The following RELN variants were observed in gnomAD, a reference collection of about 807,000 sequenced individuals.
The protein encoded by RELN is reelin.
In RELN, 108 loss-of-function variants were observed where a neutral mutation model predicts 427.6. That is an observed-to-expected ratio of 0.25 (90% CI 0.22 to 0.30). The LOEUF (loss-of-function observed/expected upper bound fraction) is 0.30, where lower values mean the gene tolerates loss of function less well. Among genes scored for constraint, RELN ranks in the 10% least tolerant of loss-of-function variants. The pLI, the probability that RELN is intolerant of heterozygous loss-of-function variation, is 1.00. For synonymous variants in RELN, 1,524 were observed against 1,513.4 expected (o/e 1.01, Z -0.16); for missense variants, 3,715 against 4,302.8 (o/e 0.86, Z 3.82).
At chr7:103,836,438 G>C (rs1483875624) in intron 2 of RELN, among the ~76,000 whole-genome samples, 1 of 152,148 alleles carries the variant, frequency 6.6e-6, no homozygotes, top group Non-Finnish European at 1.5e-5. Context: ...GGACAGCACA[G>C]AACAGAACAT....
At chr7:103,504,460 A>C (rs1360445896) in intron 51 of RELN, 1 of 152,356 alleles carries the variant, frequency 6.6e-6, no homozygotes, top group East Asian at 1.9e-4. Context: ...CTTGAGAGAC[A>C]GCTGGCAAGA....
chr7:103,926,436 G>A (rs1045757120), intron 1 of RELN, among the ~76,000 whole-genome samples: 4 of 151,858 alleles, frequency 2.6e-5, no homozygotes, highest in Admixed American at 6.6e-5. Flanking sequence ...ATGCCATTAC[G>A]AAATTCTTAA....
At chr7:103,933,021 C>A (rs1031986796) in intron 1 of RELN, among the ~76,000 whole-genome samples, 17 of 152,162 alleles carry the variant, frequency 1.1e-4, no homozygotes, top group African/African-American at 3.9e-4. Flanking sequence ...ACAACTGCCC[C>A]TCTAGGGCAA....
chr7:103,566,529 C>T, intron 32 of RELN, 72 bp downstream of exon 32: 1 of 1,597,626 alleles, frequency 6.3e-7, no homozygotes, highest in Non-Finnish European at 8.6e-7. Context: ...TTAAGAAACA[C>T]ACAGTGCAAG....
intron 2 of RELN, among the ~76,000 whole-genome samples, chr7:103,849,901 T>C (rs1004274962): frequency 4.6e-5 from 7 of 152,370 alleles, no homozygotes; most frequent in Non-Finnish European, 8.8e-5. Flanking sequence ...CTCTCTGTTA[T>C]GGCAAAACTC....
chr7:103,725,131 G>A (rs943133332), intron 7 of RELN, among the ~76,000 whole-genome samples: 4 of 152,130 alleles, frequency 2.6e-5, no homozygotes, highest in African/African-American at 9.7e-5. Flanking sequence ...AAATGAATCA[G>A]AAGAAATCAC....
rs34403864 is a variant in RELN, at chr7:103,986,629, TAAAAAA to T, written c.226+2496_226+2501del. 3.8e-4 allele frequency among the ~76,000 whole-genome samples: 39 copies of T among 102,302 alleles called. 1 individual carries two copies. Among genetic ancestry groups the T allele is most frequent in the African/African-American group, 1.3e-3 (37 of 28,098 alleles). 67.1% of individuals were successfully genotyped at this position (102,302 alleles called of 152,430 possible). ...CTCTATCTCAATGCATTCTTTTAGG[TAAAAAA>T]AAAAAAAAAAAAAAAAAGTCACAAC... is the stretch of plus-strand genomic sequence containing the variant. On this transcript the variant is annotated intron_variant, in intron 1 of 64. Transcript: ENST00000428762.
chr7:103,616,295 T>C (rs1246976713), intron 20 of RELN, among the ~76,000 whole-genome samples: 2 of 152,156 alleles, frequency 1.3e-5, no homozygotes, highest in Non-Finnish European at 2.9e-5. Flanking sequence ...AGAAGTTATA[T>C]TCATCTGAAG....
chr7:103,542,715 A>T lies in RELN; in HGVS notation c.6671+16T>A, dbSNP rs1338946833. 1 of 1,613,944 alleles carries T rather than the reference A, an allele frequency of 6.2e-7. No homozygotes were observed. Among genetic ancestry groups the T allele is most frequent in the East Asian group, 2.2e-5 (1 of 44,854 alleles). On this transcript the variant is annotated intron_variant, in intron 43 of 64. Transcript: ENST00000428762. The stretch of plus-strand genomic sequence containing the variant: ...TTACGATGTGGTTTTTTTCAACAGC[A>T]TCTAAAAATGATTACCTAGCATGTG...
intron 3 of RELN, among the ~76,000 whole-genome samples, chr7:103,816,865 T>A (rs1421490232): frequency 6.6e-6 from 1 of 152,180 alleles, no homozygotes; most frequent in Non-Finnish European, 1.5e-5. Context: ...TTTCTTTTTT[T>A]TCTTGAGGCA....
Position 103,956,376 on chromosome 7 carries a change from C to A in RELN, c.226+32755G>T, listed in dbSNP as rs532900681. ...TCAATAAAGAAACAAAGTAACAACA[C>A]TGCTGAAGTAATCTCCTGTAAAGAA... On this transcript the variant is annotated intron_variant, in intron 1 of 64. Transcript: ENST00000428762. 2.8e-4 allele frequency among the ~76,000 whole-genome samples: 42 copies of A among 152,320 alleles called. No individual in the cohort carries two copies. In the South Asian group the frequency reaches 7.7e-3, roughly 28 times the overall value.
chr7:103,513,845 T>TA (rs529885962), intron 50 of RELN: 1 of 152,142 alleles, frequency 6.6e-6, no homozygotes, highest in Non-Finnish European at 1.5e-5. Flanking sequence ...GTAAATGCGC[T>TA]AAAAAAAGTT....
intron 1 of RELN, among the ~76,000 whole-genome samples, chr7:103,929,416 C>T (rs901632580): frequency 3.3e-5 from 5 of 152,106 alleles, no homozygotes; most frequent in African/African-American, 1.2e-4. Flanking sequence ...GACTTTCCCA[C>T]CACCAAAGTC....
intron 8 of RELN, among the ~76,000 whole-genome samples, chr7:103,705,997 T>G (rs1464475618): frequency 2.0e-5 from 3 of 152,234 alleles, no homozygotes; most frequent in African/African-American, 7.2e-5. Context: ...CCTGATCGTA[T>G]TTGTTCATGG....
intron 28 of RELN, among the ~76,000 whole-genome samples, chr7:103,579,391 G>A (rs1183231747): frequency 2.6e-5 from 4 of 152,234 alleles, no homozygotes; most frequent in East Asian, 1.9e-4. Flanking sequence ...TTAGTGTTAC[G>A]AGTTCGAGAC....
At chr7:103,499,025 A>G (rs892373987) in intron 53 of RELN, among the ~76,000 whole-genome samples, 2 of 152,106 alleles carry the variant, frequency 1.3e-5, no homozygotes, top group South Asian at 2.1e-4. Context: ...CACTTTGGAG[A>G]CTGCTTCAGG....
intron 2 of RELN, among the ~76,000 whole-genome samples, chr7:103,898,159 T>G (rs765205127): frequency 2.0e-4 from 31 of 151,774 alleles, no homozygotes; most frequent in Non-Finnish European, 3.7e-4. Flanking sequence ...GGTGTGTAGT[T>G]TTCTACAGTT....
chr7:103,494,394 G>GTGTGTGTGT lies in RELN; in HGVS notation c.9369+1328_9369+1329insACACACACA, dbSNP rs774896895. On this transcript the variant is annotated intron_variant, in intron 57 of 64. Coordinates refer to ENST00000428762, the MANE Select transcript of RELN (RefSeq NM_005045.4). The stretch of plus-strand genomic sequence containing the variant: ...GTGTGTGTGTGTGTGTGTGTGTGTG[G>GTGTGTGTGT]GATATGGTCTTGTTCTGTTGCCCTA... Among the ~76,000 whole-genome samples the GTGTGTGTGT allele has an allele frequency of 7.0e-3, 946 of 134,540 alleles. 9 individuals carry two copies. The highest frequency in any genetic ancestry group is 0.019 in the East Asian group (73 of 3,896). The allele number at this position is 134,540 out of a possible 152,430, so 88.3% of individuals were successfully genotyped here. A position where few individuals can be genotyped will look rare whatever the true frequency, so the allele number is the denominator to read the frequency against.
chr7:103,629,867 A>C (rs1447010226), intron 20 of RELN, 73 bp downstream of exon 20: 1 of 962,742 alleles, frequency 1.0e-6, no homozygotes, highest in Non-Finnish European at 1.7e-6. Context: ...TAAATGCTGA[A>C]TAGACTGGAA....
Sources: allele counts gnomAD v4.1 joint callset (sites outside exome capture counted in the v4.1 genomes callset), GRCh38; gene constraint gnomAD v4.1.1; transcripts MANE v1.5; gene names NCBI Gene and HGNC (gene_info 2026-07-23, HGNC 2026-07-21).